Variants in EXPH5 observed in about 807,000 individuals in gnomAD.
EXPH5 encodes exophilin-5.
EXPH5 carries 42 observed loss-of-function variants against 41.1 expected under a neutral mutation model. The ratio of observed to expected loss-of-function variants is 1.02; its 90% CI spans 0.80 to 1.32. EXPH5 has a LOEUF of 1.32. EXPH5 is among the 40% of genes most tolerant of loss of function. The probability of loss-of-function intolerance (pLI) is 0.00; values close to 1 mark genes in which losing one functional copy is unlikely to be tolerated. For missense variants in EXPH5, 2,298 were observed against 2,314.5 expected (o/e 0.99, Z 0.15); for synonymous variants, 798 against 833.5 (o/e 0.96, Z 0.73).
intron 1 of EXPH5, among the ~76,000 whole-genome samples, chr11:108,558,702 A>G (rs1183152003): frequency 6.6e-6 from 1 of 152,244 alleles, no homozygotes; most frequent in East Asian, 1.9e-4. Flanking sequence ...ATAGAAAATG[A>G]AGGCAATATT....
chr11:108,532,148 C>T (rs1196749638), intron 3 of EXPH5, among the ~76,000 whole-genome samples: 1 of 150,506 alleles, frequency 6.6e-6, no homozygotes, highest in Non-Finnish European at 1.5e-5. Context: ...ACTTTCCAGC[C>T]TCATAAGTCC....
chr11:108,558,726 A>C (rs2093999965), intron 1 of EXPH5, among the ~76,000 whole-genome samples: 1 of 152,256 alleles, frequency 6.6e-6, no homozygotes, highest in African/African-American at 2.4e-5. Context: ...TATCATTTCT[A>C]GTACCTTCAT....
In EXPH5 at chr11:108,513,966, G is replaced by A. The variant is rs1435955590; in HGVS notation, c.1541C>T (p.Ala514Val). 3 of 1,609,192 alleles carry A rather than the reference G, an allele frequency of 1.9e-6. No homozygotes were observed. The highest frequency in any genetic ancestry group is 2.7e-5 in the African/African-American group (2 of 74,806). ...GCCATGAATGGCTGATACACTATTT[G>A]CTTCCATGGAAATCATTTCAAAGTC... Reference protein sequence around the residue: ...DRDFEMISMEANSVSAIHGHN... With the variant: ...DRDFEMISMEVNSVSAIHGHN... The change falls in exon 6 of 6, where the codon GCA (alanine) becomes GTA (valine). Residue 514 changes from alanine (A) to valine (V), a missense_variant. Coordinates refer to ENST00000265843, the MANE Select transcript of EXPH5 (RefSeq NM_015065.3).
At chr11:108,561,733 G>A (rs1274742021) in intron 1 of EXPH5, among the ~76,000 whole-genome samples, 1 of 152,146 alleles carries the variant, frequency 6.6e-6, no homozygotes, top group East Asian at 1.9e-4. Context: ...AAATCATAAT[G>A]CCAAGTAAGA....
intron 1 of EXPH5, among the ~76,000 whole-genome samples, chr11:108,577,135 A>C (rs2094082463): frequency 6.6e-6 from 1 of 152,180 alleles, no homozygotes. Flanking sequence ...TTCCTTATTC[A>C]TTCATCCATT....
intron 1 of EXPH5, among the ~76,000 whole-genome samples, chr11:108,576,817 C>CAGT (rs1565832476): frequency 1.3e-5 from 2 of 152,134 alleles, no homozygotes; most frequent in African/African-American, 4.8e-5. Context: ...CTATCAAACA[C>CAGT]TAGATATTAT....
At chr11:108,541,338 G>C (rs567703386) in intron 2 of EXPH5, among the ~76,000 whole-genome samples, 5 of 152,052 alleles carry the variant, frequency 3.3e-5, no homozygotes, top group African/African-American at 9.7e-5. Flanking sequence ...GGACAGACTC[G>C]CATGAATAGA....
intron 1 of EXPH5, among the ~76,000 whole-genome samples, chr11:108,547,072 A>AT: frequency 6.6e-6 from 1 of 152,272 alleles, no homozygotes; most frequent in South Asian, 2.1e-4. Flanking sequence ...AAATGCTGGG[A>AT]TTATAGGTGT....
intron 4 of EXPH5, among the ~76,000 whole-genome samples, chr11:108,525,781 A>G (rs1211564831): frequency 6.7e-6 from 1 of 148,924 alleles, no homozygotes; most frequent in Non-Finnish European, 1.5e-5. Context: ...AGGGGATAGA[A>G]CTTCCTTGAA....
Position 108,513,063 on chromosome 11 carries a change from T to C in EXPH5, c.2444A>G (p.Glu815Gly). 6.2e-7 allele frequency: 1 copy of C among 1,612,754 alleles called. No homozygotes were observed. The highest frequency in any genetic ancestry group is 8.5e-7 in the Non-Finnish European group (1 of 1,179,690). The change falls in exon 6 of 6, where the codon GAA (glutamate) becomes GGA (glycine). Residue 815 changes from glutamate (E) to glycine (G), a missense_variant. Glu to Gly is a moderately conservative substitution (Grantham distance 98, BLOSUM62 -2). Transcript: ENST00000265843. ...GGGGAAAGATGGTGGTGTTCTGTGTTCCTGAATGAAAGGAAGGGAAGCTGT... is the reference window on the plus strand; with the variant it reads ...GGGGAAAGATGGTGGTGTTCTGTGTCCCTGAATGAAAGGAAGGGAAGCTGT... Reference protein sequence around the residue: ...GSTASLPFIQEHRTPPSFPRT... With the variant: ...GSTASLPFIQGHRTPPSFPRT...
At chr11:108,577,476 T>G (rs988408270) in intron 1 of EXPH5, among the ~76,000 whole-genome samples, 2 of 152,088 alleles carry the variant, frequency 1.3e-5, no homozygotes, top group Admixed American at 6.6e-5. Context: ...CAGGCTGGAG[T>G]GCAATGGCGC....
intron 1 of EXPH5, among the ~76,000 whole-genome samples, chr11:108,557,515 A>T (rs763434664): frequency 6.8e-4 from 104 of 152,080 alleles, no homozygotes; most frequent in Non-Finnish European, 1.9e-4. Flanking sequence ...CTGGCTAATT[A>T]TTTTGTAATT....
intron 1 of EXPH5, among the ~76,000 whole-genome samples, chr11:108,547,080 T>G (rs2093941853): frequency 6.6e-6 from 1 of 152,034 alleles, no homozygotes; most frequent in South Asian, 2.1e-4. Flanking sequence ...GGATTATAGG[T>G]GTGAGCCACT....
chr11:108,562,549 C>CA (rs1340480238), intron 1 of EXPH5, among the ~76,000 whole-genome samples: 14 of 152,052 alleles, frequency 9.2e-5, no homozygotes, highest in African/African-American at 3.1e-4. Context: ...GGAGAGGTTG[C>CA]AGTGAGCTGA....
chr11:108,585,337 C>G (rs2094110047), intron 1 of EXPH5, among the ~76,000 whole-genome samples: 1 of 152,204 alleles, frequency 6.6e-6, no homozygotes, highest in Non-Finnish European at 1.5e-5. Flanking sequence ...CCCTACCCCT[C>G]AAGGTGATGG....
chr11:108,531,518 T>C (rs926608992), intron 3 of EXPH5, among the ~76,000 whole-genome samples: 2 of 152,240 alleles, frequency 1.3e-5, no homozygotes, highest in African/African-American at 4.8e-5. Flanking sequence ...TCCAGAACCC[T>C]TTAAGTCTCA....
At chr11:108,517,394 G>A (rs1311521514) in intron 5 of EXPH5, among the ~76,000 whole-genome samples, 1 of 152,164 alleles carries the variant, frequency 6.6e-6, no homozygotes, top group Admixed American at 6.5e-5. Context: ...TACGTTGACT[G>A]TCCAGCTGAC....
At chr11:108,571,721 T>C (rs564754421) in intron 1 of EXPH5, among the ~76,000 whole-genome samples, 21 of 152,206 alleles carry the variant, frequency 1.4e-4, no homozygotes, top group Non-Finnish European at 2.6e-4. Flanking sequence ...TTTTGACATC[T>C]GAAGAAGGGA....
Position 108,541,764 on chromosome 11 carries a change from A to G in EXPH5, c.168T>C (p.Thr56=). 6.2e-7 allele frequency: 1 copy of G among 1,612,812 alleles called. No homozygotes were observed. The highest frequency in any genetic ancestry group is 8.5e-7 in the Non-Finnish European group (1 of 1,179,344). The part of the protein sequence containing the change: ...KRDIRWLQGV[T]GEWFEEIQRK... ...TTTGAATTTCTTCAAACCATTCACC[A>G]GTCACTCCCTGAAGCCATCTGATAT... Residue 56 remains threonine, a synonymous_variant, in exon 2 of 6, where the codon ACT becomes ACC. Transcript: ENST00000265843.
Sources: gnomAD v4.1 joint callset for allele counts (sites outside exome capture counted in the v4.1 genomes callset) on GRCh38, gnomAD v4.1.1 for gene constraint, MANE v1.5 for transcripts, NCBI Gene and HGNC (gene_info 2026-07-23, HGNC 2026-07-21) for gene names.